GRM1: variants seen among roughly 807,000 people sequenced by gnomAD.
The protein encoded by GRM1 is glutamate metabotropic receptor 1.
GRM1 carries 33 observed loss-of-function variants against 90.9 expected under a neutral mutation model. That is an observed-to-expected ratio of 0.36 (90% confidence interval 0.28 to 0.49). GRM1 has a LOEUF of 0.49. GRM1 is among the 20% of genes least tolerant of loss of function. The probability of loss-of-function intolerance (pLI) is 0.99; values close to 1 mark genes in which losing one functional copy is unlikely to be tolerated. For synonymous variants in GRM1, 700 were observed against 613.2 expected (o/e 1.14, Z -2.09); for missense variants, 1,190 against 1,534.3 (o/e 0.78, Z 3.75).
chr6:146,291,140 T>C (rs998931682), intron 2 of GRM1, among the ~76,000 whole-genome samples: 5 of 152,126 alleles, frequency 3.3e-5, no homozygotes, highest in African/African-American at 1.2e-4. Flanking sequence ...GTTAAAATTA[T>C]GTTAGTTGGT....
In GRM1 at chr6:146,222,201, C is replaced by T. The variant is rs537813002; in HGVS notation, c.950+62604C>T. On this transcript the variant is annotated intron_variant, in intron 2 of 7. Coordinates refer to ENST00000282753, the MANE Select transcript of GRM1 (RefSeq NM_001278064.2). ...ATTGTAAAGACTCTTAAGATGATGCCTTGGAGGGACAATACATATTTTTTA... is the reference window on the plus strand; with the variant it reads ...ATTGTAAAGACTCTTAAGATGATGCTTTGGAGGGACAATACATATTTTTTA... Among the ~76,000 whole-genome samples the T allele has an allele frequency of 3.9e-5, 6 of 152,190 alleles. No individual in the cohort carries two copies. In the South Asian group the frequency reaches 1.2e-3, roughly 32 times the overall value.
intron 7 of GRM1, among the ~76,000 whole-genome samples, chr6:146,412,052 T>C (rs989238683): frequency 6.6e-6 from 1 of 152,154 alleles, no homozygotes; most frequent in Non-Finnish European, 1.5e-5. Flanking sequence ...TGTTTAACTA[T>C]TGAACCTTGT....
intron 1 of GRM1, among the ~76,000 whole-genome samples, chr6:146,076,759 C>T (rs916205425): frequency 6.6e-6 from 1 of 152,140 alleles, no homozygotes; most frequent in African/African-American, 2.4e-5. Flanking sequence ...GACAGAAGAG[C>T]TGCCTCTTGC....
chr6:146,340,925 T>A (rs1465375961), intron 3 of GRM1, among the ~76,000 whole-genome samples: 1 of 152,204 alleles, frequency 6.6e-6, no homozygotes, highest in Non-Finnish European at 1.5e-5. Context: ...TTCAGTTCAG[T>A]TGGAGGATGC....
chr6:146,106,538 A>G (rs1394882930), intron 1 of GRM1, among the ~76,000 whole-genome samples: 22 of 152,250 alleles, frequency 1.4e-4, no homozygotes, highest in Non-Finnish European at 4.4e-5. Context: ...GACACATCAT[A>G]AAATGCAAGG....
Position 146,424,593 on chromosome 6 carries a change from T to C in GRM1, c.2661-9279T>C, listed in dbSNP as rs188755102. On this transcript the variant is annotated intron_variant, in intron 7 of 7. Transcript: ENST00000282753. ...TTTTTATGAATTTCAAGAGGATGAT[T>C]ACAGAGCACTAAACATCAAGTGCAG... Among the ~76,000 whole-genome samples the C allele has an allele frequency of 2.6e-3, 402 of 152,344 alleles. 1 individual carries two copies. The highest frequency in any genetic ancestry group is 8.8e-3 in the African/African-American group (365 of 41,580).
intron 2 of GRM1, 182 bp downstream of exon 2, chr6:146,159,779 T>G: frequency 1.7e-6 from 1 of 605,576 alleles, no homozygotes; most frequent in East Asian, 2.9e-5. Flanking sequence ...AATGTGAATA[T>G]TGGCATCTTC....
intron 7 of GRM1, among the ~76,000 whole-genome samples, chr6:146,404,856 A>T (rs1259990922): frequency 6.6e-6 from 1 of 152,220 alleles, no homozygotes; most frequent in Non-Finnish European, 1.5e-5. Flanking sequence ...GAAGAAACTG[A>T]CTTATAGAAA....
intron 7 of GRM1, among the ~76,000 whole-genome samples, chr6:146,421,157 G>A (rs1777976335): frequency 6.6e-6 from 1 of 152,028 alleles, no homozygotes; most frequent in South Asian, 2.1e-4. Flanking sequence ...GCTCAACAAT[G>A]TACCAATTCT....
At chr6:146,382,718 A>T (rs919437735) in intron 5 of GRM1, among the ~76,000 whole-genome samples, 1 of 152,172 alleles carries the variant, frequency 6.6e-6, no homozygotes, top group Non-Finnish European at 1.5e-5. Flanking sequence ...TTTCAAAGGT[A>T]TTAAAAGAGG....
At chr6:146,037,713 C>T (rs1323670090) in intron 1 of GRM1, among the ~76,000 whole-genome samples, 1 of 152,000 alleles carries the variant, frequency 6.6e-6, no homozygotes, top group Non-Finnish European at 1.5e-5. Context: ...ATCCTCATAG[C>T]TCATTGATCT....
chr6:146,231,966 C>G lies in GRM1; in HGVS notation c.950+72369C>G, dbSNP rs78421197. On this transcript the variant is annotated intron_variant, in intron 2 of 7. Transcript: ENST00000282753. ...GGAGTGCTGTCTCCTCCACTACATT[C>G]TGGGAAAGTTAGTGTAGAATTGGTA... is the stretch of plus-strand genomic sequence containing the variant. Among the ~76,000 whole-genome samples, 761 of 152,142 alleles carry G rather than the reference C, an allele frequency of 5.0e-3. 5 individuals carry two copies. The highest frequency in any genetic ancestry group is 0.018 in the African/African-American group (730 of 41,548).
chr6:146,295,056 G>A (rs753115087), intron 2 of GRM1, among the ~76,000 whole-genome samples: 2 of 151,784 alleles, frequency 1.3e-5, no homozygotes, highest in South Asian at 2.1e-4. Context: ...CTTATCTTGC[G>A]CTTGCTGTTT....
At chr6:146,139,592 G>T (rs1333392290) in intron 1 of GRM1, among the ~76,000 whole-genome samples, 1 of 151,828 alleles carries the variant, frequency 6.6e-6, no homozygotes, top group East Asian at 1.9e-4. Flanking sequence ...TATAGTTTTT[G>T]TCTTGAAATC....
chr6:146,380,736 A>C (rs1776290753), intron 5 of GRM1, among the ~76,000 whole-genome samples: 1 of 152,032 alleles, frequency 6.6e-6, no homozygotes, highest in Non-Finnish European at 1.5e-5. Flanking sequence ...GTTGAGTCTT[A>C]CCTGAAGTCA....
intron 3 of GRM1, among the ~76,000 whole-genome samples, chr6:146,319,781 A>G (rs888631094): frequency 6.6e-6 from 1 of 152,160 alleles, no homozygotes; most frequent in Non-Finnish European, 1.5e-5. Flanking sequence ...TTAATGGTGT[A>G]TAGTAATGCT....
intron 2 of GRM1, among the ~76,000 whole-genome samples, chr6:146,208,546 A>G (rs1779570929): frequency 6.6e-6 from 1 of 152,042 alleles, no homozygotes; most frequent in Admixed American, 6.5e-5. Flanking sequence ...TAGATACTTA[A>G]CCTTATTTCT....
chr6:146,338,303 G>C (rs1234454738), intron 3 of GRM1, among the ~76,000 whole-genome samples: 2 of 152,176 alleles, frequency 1.3e-5, no homozygotes, highest in African/African-American at 2.4e-5. Context: ...CCTAAGACTG[G>C]CATGGAAAAG....
intron 5 of GRM1, among the ~76,000 whole-genome samples, chr6:146,364,059 A>G (rs1409125894): frequency 6.6e-6 from 1 of 152,200 alleles, no homozygotes; most frequent in Non-Finnish European, 1.5e-5. Flanking sequence ...CAAGTAGCTC[A>G]TCTGCTGATT....
Sources: gnomAD v4.1 joint callset for allele counts (sites outside exome capture counted in the v4.1 genomes callset) on GRCh38, gnomAD v4.1.1 for gene constraint, MANE v1.5 for transcripts, NCBI Gene and HGNC (gene_info 2026-07-23, HGNC 2026-07-21) for gene names.